SLC1A2: variants seen among roughly 807,000 people sequenced by gnomAD.
The protein encoded by SLC1A2 is solute carrier family 1 member 2, also known as excitatory amino acid transporter 2.
Under a neutral mutation model 48.8 loss-of-function variants are expected in SLC1A2, and 15 were observed. The ratio of observed to expected loss-of-function variants is 0.31; its 90% confidence interval spans 0.21 to 0.47. The LOEUF is 0.47. Ranked by LOEUF, SLC1A2 falls within the 20% of genes least tolerant of loss-of-function variation. The probability of loss-of-function intolerance (pLI) is 0.99; values close to 1 mark genes in which losing one functional copy is unlikely to be tolerated. For missense variants in SLC1A2, 502 were observed against 730.5 expected (o/e 0.69, Z 3.61); for synonymous variants, 279 against 272.6 (o/e 1.02, Z -0.23).
intron 9 of SLC1A2, among the ~76,000 whole-genome samples, chr11:35,273,738 A>C (rs1850353605): frequency 6.6e-6 from 1 of 152,164 alleles, no homozygotes; most frequent in African/African-American, 2.4e-5. Flanking sequence ...TGTTTCATTT[A>C]CTTATGGCAC....
At position 35,256,541 on chromosome 11, in the gene SLC1A2, A is replaced by G. The variant is rs1019175294; in HGVS notation, c.*4353T>C. The G allele has an allele frequency of 2.0e-5, 3 of 152,496 alleles. No homozygotes were observed. The highest frequency in any genetic ancestry group is 6.5e-5 in the Admixed American group (1 of 15,270). 9.4% of individuals were successfully genotyped at this position (152,496 alleles called of 1,614,324 possible). On this transcript the variant is annotated 3_prime_UTR_variant, in exon 11 of 11. Coordinates refer to ENST00000278379, the MANE Select transcript of SLC1A2 (RefSeq NM_004171.4). The stretch of plus-strand genomic sequence containing the variant: ...CCTCTAGGCTTAACCAGAAATTACT[A>G]CAGATACTGAGACCATTTATCTTCT...
intron 9 of SLC1A2, among the ~76,000 whole-genome samples, chr11:35,267,021 C>A (rs532026950): frequency 1.6e-4 from 25 of 152,262 alleles, no homozygotes; most frequent in Admixed American, 9.8e-4. Flanking sequence ...ATGATCAGAG[C>A]TGGAGTTTAA....
In SLC1A2 at chr11:35,260,921, C is replaced by T. The variant is rs114945303; in HGVS notation, c.1698G>A (p.Glu566=). Residue 566 remains glutamate (E), a synonymous_variant, in exon 11 of 11, where the codon GAG becomes GAA. Coordinates refer to ENST00000278379, the MANE Select transcript of SLC1A2 (RefSeq NM_004171.4). ...ANGKSADCSV[E]EEPWKREK ...ATTTCTCACGTTTCCAAGGTTCTTC[C>T]TCAACACTGCAGTCGGCTGACTTTC... The T allele has an allele frequency of 4.7e-4, 757 of 1,613,706 alleles. No individual in the cohort carries two copies. In the African/African-American group the frequency reaches 8.3e-3, roughly 18 times the overall value.
intron 9 of SLC1A2, among the ~76,000 whole-genome samples, chr11:35,273,475 A>C (rs984116921): frequency 6.6e-5 from 10 of 152,248 alleles, no homozygotes; most frequent in African/African-American, 2.4e-4. Flanking sequence ...TGAGAAGATA[A>C]TAACTGCTAA....
intron 1 of SLC1A2, among the ~76,000 whole-genome samples, chr11:35,336,373 T>C (rs60815766): frequency 0.021 from 3,131 of 152,288 alleles, 101 homozygotes; most frequent in African/African-American, 0.072. Flanking sequence ...TGATGATCTC[T>C]ATCTAGAACC....
At chr11:35,278,263 G>GTTTTTTTTTTTT (rs1170822746) in intron 9 of SLC1A2, among the ~76,000 whole-genome samples, 1 of 103,810 alleles carries the variant, frequency 9.6e-6, no homozygotes, top group African/African-American at 3.6e-5. Flanking sequence ...TCTTACTTCT[G>GTTTTTTTTTTTT]TTTTTTTTTG....
chr11:35,393,350 G>T (rs947964568), intron 1 of SLC1A2, among the ~76,000 whole-genome samples: 4 of 152,166 alleles, frequency 2.6e-5, no homozygotes, highest in African/African-American at 9.7e-5. Context: ...TTTTATTGCA[G>T]CTTGAGCTGG....
chr11:35,302,191 T>C (rs1851376123), intron 5 of SLC1A2, among the ~76,000 whole-genome samples: 1 of 151,920 alleles, frequency 6.6e-6, no homozygotes, highest in Non-Finnish European at 1.5e-5. Flanking sequence ...ACTACACACA[T>C]AAAATGACAG....
rs1043954176 is a variant in SLC1A2, at chr11:35,252,484, T to A, written c.*8410A>T. 1 of 152,116 alleles carries A rather than the reference T, an allele frequency of 6.6e-6. No individual in the cohort carries two copies. The highest frequency in any genetic ancestry group is 6.6e-5 in the Admixed American group (1 of 15,262). The allele number at this position is 152,116 out of a possible 1,614,324, so 9.4% of individuals were successfully genotyped here. ...GCATTCACCATGTATTAAACAGACATGAGATGACCTTTCACTAAGAACCAG... is the reference window on the plus strand; with the variant it reads ...GCATTCACCATGTATTAAACAGACAAGAGATGACCTTTCACTAAGAACCAG... On this transcript the variant is annotated 3_prime_UTR_variant, in exon 11 of 11. Coordinates refer to ENST00000278379, the MANE Select transcript of SLC1A2 (RefSeq NM_004171.4).
chr11:35,255,315 A>T lies in SLC1A2; in HGVS notation c.*5579T>A, dbSNP rs2134563967. On this transcript the variant is annotated 3_prime_UTR_variant, in exon 11 of 11. Coordinates refer to ENST00000278379, the MANE Select transcript of SLC1A2 (RefSeq NM_004171.4). ...GTAGACCATGCATTGTATCCCATCC[A>T]CCCTACAAACTAATCAGGCCTTGAA... 6.5e-6 allele frequency: 1 copy of T among 153,250 alleles called. No individual in the cohort carries two copies. The highest frequency in any genetic ancestry group is 1.9e-4 in the East Asian group (1 of 5,196). The allele number at this position is 153,250 out of a possible 1,614,324, so 9.5% of individuals were successfully genotyped here. A position where few individuals can be genotyped will look rare whatever the true frequency, so the allele number is the denominator to read the frequency against.
intron 8 of SLC1A2, 43 bp from the exon 9 acceptor site, chr11:35,281,044 C>T: frequency 3.3e-6 from 5 of 1,513,136 alleles, no homozygotes; most frequent in Non-Finnish European, 4.4e-6. Context: ...TGGAAAGAAT[C>T]TTAGCAAAAC....
At chr11:35,303,019 T>C (rs572049722) in intron 5 of SLC1A2, among the ~76,000 whole-genome samples, 1 of 151,748 alleles carries the variant, frequency 6.6e-6, no homozygotes, top group African/African-American at 2.4e-5. Context: ...ATCTTCTCTT[T>C]CCTCCTCTTC....
At chr11:35,309,396 A>T (rs945525941) in intron 4 of SLC1A2, among the ~76,000 whole-genome samples, 1 of 152,328 alleles carries the variant, frequency 6.6e-6, no homozygotes, top group Non-Finnish European at 1.5e-5. Flanking sequence ...TTCTGGAGGA[A>T]AAGAACCCAT....
At chr11:35,261,883 GC>G in intron 10 of SLC1A2, 1 of 396,238 alleles carries the variant, frequency 2.5e-6, no homozygotes, top group Non-Finnish European at 4.4e-6. Context: ...AAAACCAAGT[GC>G]CCTTCAACGA....
At chr11:35,417,450 A>G (rs1172827833) in intron 1 of SLC1A2, among the ~76,000 whole-genome samples, 1 of 152,216 alleles carries the variant, frequency 6.6e-6, no homozygotes, top group Non-Finnish European at 1.5e-5. Context: ...GGATAAGTCT[A>G]GAAGGTCCAT....
chr11:35,257,147 A>G lies in SLC1A2; in HGVS notation c.*3747T>C, dbSNP rs932153036. 1 of 152,182 alleles carries G rather than the reference A, an allele frequency of 6.6e-6. No homozygotes were observed. Among genetic ancestry groups the G allele is most frequent in the Non-Finnish European group, 1.5e-5 (1 of 68,030 alleles). 9.4% of individuals were successfully genotyped at this position (152,182 alleles called of 1,614,324 possible). On this transcript the variant is annotated 3_prime_UTR_variant, in exon 11 of 11. Coordinates refer to ENST00000278379, the MANE Select transcript of SLC1A2 (RefSeq NM_004171.4). ...CTCCAAAAGGGCTTCTTGACTAGAT[A>G]CATATGCAAATGATGTATTTCTCCA...
At chr11:35,364,354 G>T (rs748562108) in intron 1 of SLC1A2, among the ~76,000 whole-genome samples, 3 of 152,192 alleles carry the variant, frequency 2.0e-5, no homozygotes, top group Non-Finnish European at 4.4e-5. Context: ...CTCAGATACT[G>T]TGATTAAAAA....
chr11:35,374,259 T>G (rs1467819690), intron 1 of SLC1A2: 2 of 915,526 alleles, frequency 2.2e-6, no homozygotes, highest in Non-Finnish European at 3.3e-6. Context: ...CTCCCGAAGC[T>G]GAGAAATGGA....
intron 1 of SLC1A2, among the ~76,000 whole-genome samples, chr11:35,393,173 A>G (rs552995850): frequency 6.6e-6 from 1 of 152,296 alleles, no homozygotes; most frequent in South Asian, 2.1e-4. Flanking sequence ...GTGTGGTGCT[A>G]GCAGGTGGCA....
Sources: allele counts gnomAD v4.1 joint callset (sites outside exome capture counted in the v4.1 genomes callset), GRCh38; gene constraint gnomAD v4.1.1; transcripts MANE v1.5; gene names NCBI Gene and HGNC (gene_info 2026-07-23, HGNC 2026-07-21).